NKAIN2: variants seen among roughly 807,000 people sequenced by gnomAD.
NKAIN2 encodes the protein sodium/potassium-transporting ATPase subunit beta-1-interacting protein 2.
NKAIN2 carries 14 observed loss-of-function variants against 32.6 expected under a neutral mutation model. That is an observed-to-expected ratio of 0.43 (90% confidence interval 0.28 to 0.67). NKAIN2 has a LOEUF of 0.67. Among genes scored for constraint, NKAIN2 ranks in the 30% least tolerant of loss-of-function variants. The pLI, the probability that NKAIN2 is intolerant of heterozygous loss-of-function variation, is 0.17. For missense variants in NKAIN2, 198 were observed against 258.3 expected (o/e 0.77, Z 1.60); for synonymous variants, 80 against 87.2 (o/e 0.92, Z 0.46).
At chr6:124,474,218 G>A (rs1225821354) in intron 3 of NKAIN2, among the ~76,000 whole-genome samples, 1 of 151,876 alleles carries the variant, frequency 6.6e-6, no homozygotes, top group African/African-American at 2.4e-5. Context: ...ACCTTTTCAA[G>A]GTGGAATCTG....
At chr6:124,803,801 T>C (rs932935584) in intron 5 of NKAIN2, among the ~76,000 whole-genome samples, 9 of 152,238 alleles carry the variant, frequency 5.9e-5, no homozygotes, top group African/African-American at 2.2e-4. Flanking sequence ...TTGGAAATGC[T>C]AATTATCTGA....
chr6:124,210,903 T>C (rs945934147), intron 1 of NKAIN2, among the ~76,000 whole-genome samples: 1 of 151,864 alleles, frequency 6.6e-6, no homozygotes, highest in African/African-American at 2.4e-5. Flanking sequence ...TAATTTGACT[T>C]CCTCCTTTCC....
chr6:124,800,153 T>C (rs1476308951), intron 5 of NKAIN2, among the ~76,000 whole-genome samples: 1 of 152,136 alleles, frequency 6.6e-6, no homozygotes, highest in Non-Finnish European at 1.5e-5. Context: ...AAAGTTAGTC[T>C]CTTGACGAAT....
At chr6:123,970,739 A>G (rs1446428691) in intron 1 of NKAIN2, among the ~76,000 whole-genome samples, 25 of 151,882 alleles carry the variant, frequency 1.6e-4, no homozygotes, top group Non-Finnish European at 2.9e-5. Context: ...AAAATTAGCC[A>G]GGCATGGTGG....
chr6:124,778,408 A>G (rs1041443763), intron 4 of NKAIN2, among the ~76,000 whole-genome samples: 8 of 150,700 alleles, frequency 5.3e-5, no homozygotes, highest in Admixed American at 5.3e-4. Flanking sequence ...TCCTTTTTTG[A>G]TATTTGACAA....
At chr6:123,922,271 C>T (rs1175816204) in intron 1 of NKAIN2, among the ~76,000 whole-genome samples, 1 of 152,110 alleles carries the variant, frequency 6.6e-6, no homozygotes, top group Non-Finnish European at 1.5e-5. Flanking sequence ...TATGTAGCCT[C>T]TAAGAAGGAA....
chr6:124,457,860 C>T (rs967458485), intron 3 of NKAIN2, among the ~76,000 whole-genome samples: 14 of 151,844 alleles, frequency 9.2e-5, no homozygotes, highest in Admixed American at 1.3e-4. Flanking sequence ...GTTGGGAGCA[C>T]CATTTATTTC....
At chr6:124,742,225 C>T (rs1777246968) in intron 4 of NKAIN2, among the ~76,000 whole-genome samples, 1 of 151,714 alleles carries the variant, frequency 6.6e-6, no homozygotes, top group Admixed American at 6.6e-5. Context: ...GGATATGTCT[C>T]CAGAAAAGAT....
At chr6:123,933,404 G>A (rs1776353529) in intron 1 of NKAIN2, among the ~76,000 whole-genome samples, 1 of 152,050 alleles carries the variant, frequency 6.6e-6, no homozygotes, top group Non-Finnish European at 1.5e-5. Flanking sequence ...TAGCTTATAT[G>A]TACATATATA....
At chr6:124,124,255 A>G (rs1786040502) in intron 1 of NKAIN2, among the ~76,000 whole-genome samples, 2 of 152,180 alleles carry the variant, frequency 1.3e-5, no homozygotes, top group East Asian at 1.9e-4. Flanking sequence ...GCAACTGTCT[A>G]TCACAATATG....
intron 1 of NKAIN2, among the ~76,000 whole-genome samples, chr6:124,192,640 C>T (rs1296071492): frequency 6.6e-6 from 1 of 151,230 alleles, no homozygotes; most frequent in African/African-American, 2.4e-5. Flanking sequence ...TCTAATATAT[C>T]CTTACAGATT....
At position 124,731,758 on chromosome 6, in the gene NKAIN2, T is replaced by C. The variant is rs192203041; in HGVS notation, c.475-59581T>C. Among the ~76,000 whole-genome samples, 378 of 152,204 alleles carry C rather than the reference T, an allele frequency of 2.5e-3. 1 individual carries two copies. Among genetic ancestry groups the C allele is most frequent in the African/African-American group, 8.4e-3 (351 of 41,566 alleles). ...GTTTCATGAAAATAGAGACTTATTTTATACACTTTATCATAGCTATTGCTA... is the reference window on the plus strand; with the variant it reads ...GTTTCATGAAAATAGAGACTTATTTCATACACTTTATCATAGCTATTGCTA... On this transcript the variant is annotated intron_variant, in intron 4 of 6. Transcript: ENST00000368417.
intron 5 of NKAIN2, among the ~76,000 whole-genome samples, chr6:124,810,487 G>C (rs1463624196): frequency 6.6e-6 from 1 of 152,004 alleles, no homozygotes; most frequent in Non-Finnish European, 1.5e-5. Context: ...CTGTTGTGGG[G>C]TGGGGGGAGC....
At chr6:124,532,659 G>A (rs115967529) in intron 3 of NKAIN2, among the ~76,000 whole-genome samples, 1 of 152,308 alleles carries the variant, frequency 6.6e-6, no homozygotes, top group African/African-American at 2.4e-5. Flanking sequence ...TATTTTCCAT[G>A]TAGACTCCCA....
chr6:124,643,336 A>C (rs1393144441), intron 3 of NKAIN2, among the ~76,000 whole-genome samples: 4 of 152,172 alleles, frequency 2.6e-5, no homozygotes, highest in Non-Finnish European at 1.5e-5. Flanking sequence ...TTGTATATCT[A>C]TAGTTTTGAT....
chr6:124,562,909 T>C (rs1281146521), intron 3 of NKAIN2, among the ~76,000 whole-genome samples: 1 of 150,192 alleles, frequency 6.7e-6, no homozygotes, highest in Non-Finnish European at 1.5e-5. Flanking sequence ...TGTTTCTTTT[T>C]TTTTTTTTTT....
chr6:124,796,206 A>T (rs2114819243), intron 5 of NKAIN2, among the ~76,000 whole-genome samples: 1 of 152,278 alleles, frequency 6.6e-6, no homozygotes, highest in South Asian at 2.1e-4. Flanking sequence ...TGGCTTAAAC[A>T]ACAGAAATTT....
At chr6:124,417,334 G>A (rs1774536036) in intron 3 of NKAIN2, among the ~76,000 whole-genome samples, 2 of 152,174 alleles carry the variant, frequency 1.3e-5, no homozygotes, top group Non-Finnish European at 2.9e-5. Context: ...TAAACACTCA[G>A]TGGATGGACT....
At chr6:124,301,675 G>A (rs1284214644) in intron 2 of NKAIN2, among the ~76,000 whole-genome samples, 1 of 152,202 alleles carries the variant, frequency 6.6e-6, no homozygotes, top group Non-Finnish European at 1.5e-5. Context: ...TGGAGTCAAA[G>A]GAAATCATTT....
Sources: gnomAD v4.1 joint callset for allele counts (sites outside exome capture counted in the v4.1 genomes callset) on GRCh38, gnomAD v4.1.1 for gene constraint, MANE v1.5 for transcripts, NCBI Gene and HGNC (gene_info 2026-07-23, HGNC 2026-07-21) for gene names.